Variants in LHX2 observed in about 807,000 individuals in gnomAD.
LHX2 encodes LIM homeobox 2.
A neutral mutation model predicts 33.0 loss-of-function variants in LHX2; 6 were observed. The ratio of observed to expected loss-of-function variants is 0.18; its 90% confidence interval spans 0.10 to 0.36. LHX2 has a LOEUF of 0.36. Ranked by LOEUF, LHX2 falls within the 10% of genes least tolerant of loss-of-function variation. The pLI is 1.00. For missense variants in LHX2, 442 were observed against 586.2 expected, an observed-to-expected ratio of 0.75 and a Z score of 2.54; for synonymous variants, 292 against 253.1, an observed-to-expected ratio of 1.15 and a Z score of -1.46.
chr9:124,019,820 G>A (rs1487783219), intron 3 of LHX2, among the ~76,000 whole-genome samples: 1 of 152,196 alleles, frequency 6.6e-6, no homozygotes, highest in African/African-American at 2.4e-5. Flanking sequence ...CTTACCCCAA[G>A]GCAAGACCTT....
intron 4 of LHX2, among the ~76,000 whole-genome samples, chr9:124,028,346 G>A (rs58975979): frequency 4.5e-4 from 68 of 152,256 alleles, no homozygotes; most frequent in African/African-American, 1.5e-3. Flanking sequence ...TCTGAACTTC[G>A]CCTTCTTGTC....
chr9:124,013,866 G>T lies in LHX2; in HGVS notation c.121-95G>T, dbSNP rs116383330. The T allele has an allele frequency of 1.9e-3, 2,164 of 1,160,316 alleles. 33 individuals carry two copies. In the African/African-American group the frequency reaches 0.029, roughly 16 times the overall value. The allele number at this position is 1,160,316 out of a possible 1,614,324, so 71.9% of individuals were successfully genotyped here. A position where few individuals can be genotyped will look rare whatever the true frequency, so the allele number is the denominator to read the frequency against. On this transcript the variant is annotated intron_variant, in intron 1 of 4. Transcript: ENST00000373615. ...CCCCCTCCGCGTTCAGGGTAGCCAA[G>T]GCCACAGAGGGAGTTGTGGGTGCCG...
At chr9:124,031,129 C>T (rs1367841179) in intron 4 of LHX2, among the ~76,000 whole-genome samples, 1 of 152,176 alleles carries the variant, frequency 6.6e-6, no homozygotes, top group Non-Finnish European at 1.5e-5. Flanking sequence ...CGGGATGCAG[C>T]AGGTCGGGAG....
chr9:124,032,514 C>T lies in LHX2; in HGVS notation c.1028C>T (p.Thr343Ile). ...AAGTCGACAGACGCGGCGCTGCAGACAGGGACGCCATCGGGCCCGGCCTCG... is the reference window on the plus strand; with the variant it reads ...AAGTCGACAGACGCGGCGCTGCAGATAGGGACGCCATCGGGCCCGGCCTCG... The part of the protein sequence containing the change: ...VDKSTDAALQ[T>I]GTPSGPASEL... The change falls in exon 5 of 5, where the codon ACA (threonine) becomes ATA (isoleucine). Residue 343 changes from threonine (T) to isoleucine (I), a missense_variant. Thr to Ile is a moderately conservative substitution (Grantham distance 89). Transcript: ENST00000373615. The surrounding 1 kb of genome is among the most constrained non-coding windows in gnomAD (Gnocchi z 4.1). 1 of 1,613,758 alleles carries T rather than the reference C, an allele frequency of 6.2e-7. No individual in the cohort carries two copies. The highest frequency in any genetic ancestry group is 8.5e-7 in the Non-Finnish European group (1 of 1,180,002).
intron 4 of LHX2, among the ~76,000 whole-genome samples, chr9:124,029,258 A>G (rs1422818497): frequency 6.6e-6 from 1 of 152,132 alleles, no homozygotes; most frequent in African/African-American, 2.4e-5. Flanking sequence ...CACATAGTAA[A>G]AGGTACATAC....
chr9:124,017,281 C>G (rs1257433378), intron 3 of LHX2, among the ~76,000 whole-genome samples: 1 of 152,204 alleles, frequency 6.6e-6, no homozygotes, highest in Non-Finnish European at 1.5e-5. Flanking sequence ...GCCCTCCTCT[C>G]CGACCTTGGC....
intron 3 of LHX2, 95 bp from the exon 4 acceptor site, chr9:124,021,004 G>A (rs1859282042): frequency 9.2e-7 from 1 of 1,089,476 alleles, no homozygotes; most frequent in Admixed American, 1.9e-5. Flanking sequence ...GCAGGGTTAA[G>A]GATTGAAATG....
intron 3 of LHX2, among the ~76,000 whole-genome samples, chr9:124,018,760 T>C (rs1161567479): frequency 6.6e-6 from 1 of 152,208 alleles, no homozygotes; most frequent in African/African-American, 2.4e-5. Flanking sequence ...CTGTCCTCTC[T>C]TTTTCCTGGC....
chr9:124,012,448 G>C lies in LHX2; in HGVS notation c.100G>C (p.Asp34His), dbSNP rs1320625646. 6.5e-7 allele frequency: 1 copy of C among 1,539,494 alleles called. No individual in the cohort carries two copies. The highest frequency in any genetic ancestry group is 8.7e-7 in the Non-Finnish European group (1 of 1,150,478). ...SEAPAISSAIDRGDTETTMPS... is the reference protein window; with the variant it reads ...SEAPAISSAIHRGDTETTMPS... The stretch of plus-strand genomic sequence containing the variant: ...GGCTCCCGCCATCAGCTCCGCCATC[G>C]ACCGCGGCGACACCGAGACGGTAGG... Residue 34 changes from aspartate (D) to histidine (H), a missense_variant, in exon 1 of 5, where the codon GAC becomes CAC. Around this residue, in one of 5 missense-constraint regions of LHX2, gnomAD observed 97 missense variants for 81.5 expected, o/e 1.19. Coordinates refer to ENST00000373615, the MANE Select transcript of LHX2 (RefSeq NM_004789.4). The surrounding 1 kb of genome is among the most constrained non-coding windows in gnomAD (Gnocchi z 4.3).
chr9:124,013,854 C>G, intron 1 of LHX2, 107 bp from the exon 2 acceptor site: 1 of 995,654 alleles, frequency 1.0e-6, no homozygotes, highest in Non-Finnish European at 1.5e-6. Flanking sequence ...CCTCCGCGTT[C>G]AGGGTAGCCA....
In LHX2 at chr9:124,012,513, C is replaced by T; in HGVS notation, c.120+45C>T. 2 of 1,472,706 alleles carry T rather than the reference C, an allele frequency of 1.4e-6. No homozygotes were observed. Among genetic ancestry groups the T allele is most frequent in the South Asian group, 1.3e-5 (1 of 77,502 alleles). The allele number at this position is 1,472,706 out of a possible 1,614,324, so 91.2% of individuals were successfully genotyped here. On this transcript the variant is annotated intron_variant, in intron 1 of 4. Transcript: ENST00000373615. This position sits in a 1 kb window ranked among gnomAD's most constrained non-coding sequence, Gnocchi z 4.3. ...GTCGGGGCTGAGAGCTGGGATGGGGCCGGGCCAGTCAGCGCCTCTGCTCCC... is the reference window on the plus strand; with the variant it reads ...GTCGGGGCTGAGAGCTGGGATGGGGTCGGGCCAGTCAGCGCCTCTGCTCCC...
rs201710839 is a variant in LHX2 at position 124,014,176 on chromosome 9, C to A, written c.323+13C>A. ...AAGACTACTACAGGTAGCCCCCCCA[C>A]CCAACTGCCCCTCAGGACCCCTCCC... On this transcript the variant is annotated intron_variant, in intron 2 of 4. Coordinates refer to ENST00000373615, the MANE Select transcript of LHX2 (RefSeq NM_004789.4). This position sits in a 1 kb window ranked among gnomAD's most constrained non-coding sequence, Gnocchi z 4.8. The A allele has an allele frequency of 4.6e-4, 658 of 1,420,240 alleles. No homozygotes were observed. Among genetic ancestry groups the A allele is most frequent in the Non-Finnish European group, 5.0e-4 (536 of 1,062,218 alleles). 88.0% of individuals were successfully genotyped at this position (1,420,240 alleles called of 1,614,324 possible).
intron 4 of LHX2, 121 bp downstream of exon 4, chr9:124,021,425 A>G: frequency 1.3e-6 from 1 of 783,846 alleles, no homozygotes; most frequent in Non-Finnish European, 2.0e-6. Flanking sequence ...TGTGTGTTTA[A>G]TCTTTCTCAT....
At position 124,017,989 on chromosome 9, in the gene LHX2, C is replaced by T. The variant is rs568984658; in HGVS notation, c.727+2464C>T. ...TTGCGCCTGGGTTTGCGCGCCGCGG[C>T]CGCGGGAGTCCCGCGCGGACCGGCC... On this transcript the variant is annotated intron_variant, in intron 3 of 4. Transcript: ENST00000373615. Among the ~76,000 whole-genome samples the T allele has an allele frequency of 3.3e-5, 5 of 151,972 alleles. No individual in the cohort carries two copies. In the East Asian group the frequency reaches 7.8e-4, roughly 24 times the overall value.
chr9:124,018,982 G>T (rs1859245703), intron 3 of LHX2, among the ~76,000 whole-genome samples: 3 of 152,252 alleles, frequency 2.0e-5, no homozygotes, highest in African/African-American at 7.2e-5. Flanking sequence ...CCAGGCGGGG[G>T]CTCGGTGGAG....
rs1012999948 is a variant in LHX2, at chr9:124,032,254, A to G, written c.934-166A>G. 5.2e-6 allele frequency: 4 copies of G among 774,856 alleles called. No individual in the cohort carries two copies. In the African/African-American group the frequency reaches 5.3e-5, roughly 10 times the overall value. 48.0% of individuals were successfully genotyped at this position (774,856 alleles called of 1,614,324 possible). On this transcript the variant is annotated intron_variant, in intron 4 of 4. Transcript: ENST00000373615. This position sits in a 1 kb window ranked among gnomAD's most constrained non-coding sequence, Gnocchi z 4.1. ...CAGACCCTGTCTGCAAACAAAAACAAAAACAAAAAAACCAAAAAAGCAAAA... is the reference window on the plus strand; with the variant it reads ...CAGACCCTGTCTGCAAACAAAAACAGAAACAAAAAAACCAAAAAAGCAAAA...
rs1325517810 is a variant in LHX2, at chr9:124,032,797, CAACT to C, written c.*98_*101del. 9 of 1,368,862 alleles carry C rather than the reference CAACT, an allele frequency of 6.6e-6. No homozygotes were observed. The highest frequency in any genetic ancestry group is 4.8e-5 in the East Asian group (2 of 41,836). The allele number at this position is 1,368,862 out of a possible 1,614,324, so 84.8% of individuals were successfully genotyped here. A position where few individuals can be genotyped will look rare whatever the true frequency, so the allele number is the denominator to read the frequency against. Reference sequence around the variant, plus strand: ...TGTATTTTAAAATAGAGGCTTTGAGCAACTAACTAACCACATTTTAGGATCTCGC... The same window carrying C: ...TGTATTTTAAAATAGAGGCTTTGAGCAACTAACCACATTTTAGGATCTCGC... On this transcript the variant is annotated 3_prime_UTR_variant, in exon 5 of 5. Transcript: ENST00000373615. The surrounding 1 kb of genome is among the most constrained non-coding windows in gnomAD (Gnocchi z 4.1).
intron 4 of LHX2, among the ~76,000 whole-genome samples, chr9:124,030,220 C>T (rs1216601697): frequency 2.0e-5 from 3 of 152,178 alleles, no homozygotes; most frequent in South Asian, 2.1e-4. Flanking sequence ...CCACCAGAAA[C>T]GGGGGTTTGA....
At chr9:124,021,442 T>A (rs549784917) in intron 4 of LHX2, 138 bp downstream of exon 4, 1 of 695,080 alleles carries the variant, frequency 1.4e-6, no homozygotes, top group Admixed American at 2.8e-5. Context: ...TCATTCTCTT[T>A]CTTCACCTCT....
Sources: gnomAD v4.1 joint callset for allele counts (sites outside exome capture counted in the v4.1 genomes callset) on GRCh38, gnomAD v4.1.1 for gene constraint, gnomAD v4.1.1 regional missense constraint, Gnocchi (gnomAD v3.1) non-coding constraint, MANE v1.5 for transcripts, NCBI Gene and HGNC (gene_info 2026-07-23, HGNC 2026-07-21) for gene names.